ANKRD16: variants seen among roughly 807,000 people sequenced by gnomAD.
ANKRD16 encodes the protein ankyrin repeat domain 16, also known as ankyrin repeat domain-containing protein 16.
A neutral mutation model predicts 37.9 loss-of-function variants in ANKRD16; 35 were observed. That is an observed-to-expected ratio of 0.92 (90% confidence interval 0.71 to 1.23). ANKRD16 has a LOEUF of 1.23. Among genes scored for constraint, ANKRD16 ranks in the 50% most tolerant of loss-of-function variants. The probability of loss-of-function intolerance (pLI) is 0.00; values close to 1 mark genes in which losing one functional copy is unlikely to be tolerated. For synonymous variants in ANKRD16, 206 were observed against 197.2 expected (o/e 1.04, Z -0.37); for missense variants, 480 against 469.9 (o/e 1.02, Z -0.20).
Position 5,871,570 on chromosome 10 carries a change from G to T in ANKRD16, c.*33+6527C>A, listed in dbSNP as rs1434985277. 6.6e-6 allele frequency among the ~76,000 whole-genome samples: 1 copy of T among 152,124 alleles called. No homozygotes were observed. The highest frequency in any genetic ancestry group is 1.9e-4 in the East Asian group (1 of 5,198). ...AAATCCCCCACCCTCCTAGATACTG[G>T]CATTGAATGAGGCGCCCACGTGGGC... On this transcript the variant is annotated intron_variant, in intron 7 of 7. Transcript: ENST00000380094. This position sits in a 1 kb window ranked among gnomAD's most constrained non-coding sequence, Gnocchi z 4.5.
At chr10:5,880,520 C>G (rs927076508) in intron 5 of ANKRD16, 144 bp from the exon 6 acceptor site, 13 of 425,534 alleles carry the variant, frequency 3.1e-5, no homozygotes, top group Non-Finnish European at 4.6e-5. Flanking sequence ...AGGTCTGTGT[C>G]TCTCTCCAAA....
Position 5,883,158 on chromosome 10 carries a change from A to C in ANKRD16, c.697T>G (p.Ser233Ala). The change falls in exon 5 of 8, where the codon TCA becomes GCA. Residue 233 changes from serine (S) to alanine (A), a missense_variant. Transcript: ENST00000380094. ...TGGGCACCCAGGCTGTCTTCTGCTG[A>C]AAGGCAAGCCTAGTGGGCAGAGGAG... ...LLLDEHGACL[S>A]AEDSLGAQAL... The C allele has an allele frequency of 2.5e-6, 4 of 1,613,760 alleles. No homozygotes were observed. The highest frequency in any genetic ancestry group is 3.4e-6 in the Non-Finnish European group (4 of 1,179,986).
chr10:5,877,162 G>A (rs1316837691), intron 7 of ANKRD16, among the ~76,000 whole-genome samples: 1 of 152,022 alleles, frequency 6.6e-6, no homozygotes, highest in Non-Finnish European at 1.5e-5. Flanking sequence ...GCCCAGGCTG[G>A]AGTGCAGTGG....
Position 5,862,319 on chromosome 10 carries a change from G to A in ANKRD16, c.*406C>T. 2.5e-6 allele frequency: 1 copy of A among 407,118 alleles called. No homozygotes were observed. Among genetic ancestry groups the A allele is most frequent in the South Asian group, 1.8e-5 (1 of 55,592 alleles). 25.2% of individuals were successfully genotyped at this position (407,118 alleles called of 1,614,324 possible). A position where few individuals can be genotyped will look rare whatever the true frequency, so the allele number is the denominator to read the frequency against. ...TGCTACCACTGTGTTTCATGTTTTTGTGTTTCTTTCTTTCTGTCGGTGGTT... is the reference window on the plus strand; with the variant it reads ...TGCTACCACTGTGTTTCATGTTTTTATGTTTCTTTCTTTCTGTCGGTGGTT... On this transcript the variant is annotated 3_prime_UTR_variant, in exon 8 of 8. Coordinates refer to ENST00000380094, the MANE Select transcript of ANKRD16 (RefSeq NM_019046.3). This position sits in a 1 kb window ranked among gnomAD's most constrained non-coding sequence, Gnocchi z 6.5.
chr10:5,889,233 AG>A lies in ANKRD16; in HGVS notation c.121del (p.Leu41CysfsTer60). 6.4e-7 allele frequency: 1 copy of A among 1,563,988 alleles called. No individual in the cohort carries two copies. Among genetic ancestry groups the A allele is most frequent in the Non-Finnish European group, 8.6e-7 (1 of 1,164,294 alleles). On this transcript the variant is annotated frameshift_variant, in exon 1 of 8. Transcript: ENST00000380094. LOFTEE classifies it high-confidence loss of function. ...ATGCCCGTGGCGCGCGGCGCAGTGC[AG>A]GAGGGTATCCCCGGCCGGCCCCGGG... ...GCPGPAGDTL[L>X]HCAARHGHRD...
chr10:5,876,228 T>C (rs1024707904), intron 7 of ANKRD16, among the ~76,000 whole-genome samples: 6 of 152,168 alleles, frequency 3.9e-5, no homozygotes, highest in African/African-American at 9.7e-5. Context: ...GGGTGTTTAG[T>C]AGTTTCAGCA....
Position 5,883,078 on chromosome 10 carries a change from G to T in ANKRD16, c.777C>A (p.Val259=). 6.2e-7 allele frequency: 1 copy of T among 1,614,154 alleles called. No individual in the cohort carries two copies. Among genetic ancestry groups the T allele is most frequent in the South Asian group, 1.1e-5 (1 of 91,086 alleles). ...TGQDEAIRFL[V]SELGVDVDVR... is the part of the protein sequence containing the mutation. ...CATCTACATCGACGCCAAGTTCAGAGACCAAGAATCGGATGGCTTCGTCCT... is the reference window on the plus strand; with the variant it reads ...CATCTACATCGACGCCAAGTTCAGATACCAAGAATCGGATGGCTTCGTCCT... Residue 259 remains valine (V), a synonymous_variant, in exon 5 of 8, where the codon GTC becomes GTA. Coordinates refer to ENST00000380094, the MANE Select transcript of ANKRD16 (RefSeq NM_019046.3).
At chr10:5,881,438 T>TTATAAAAAAATATATATA (rs1422263395) in intron 5 of ANKRD16, among the ~76,000 whole-genome samples, 2 of 51,024 alleles carry the variant, frequency 3.9e-5, no homozygotes, top group Non-Finnish European at 3.8e-5. Context: ...AAAATATTAT[T>TTATAAAAAAATATATATA]TATATATATA....
At position 5,889,199 on chromosome 10, in the gene ANKRD16, C is replaced by G; in HGVS notation, c.156G>C (p.Val52=). 6.3e-7 allele frequency: 1 copy of G among 1,596,586 alleles called. No homozygotes were observed. Residue 52 remains valine (V), a synonymous_variant, in exon 1 of 8, where the codon GTG becomes GTC. Coordinates refer to ENST00000380094, the MANE Select transcript of ANKRD16 (RefSeq NM_019046.3). ...CCCAGGCCTCGGCCAGATAGGCCAG[C>G]ACGTCCCGATGCCCGTGGCGCGCGG... ...HCAARHGHRD[V]LAYLAEAWGM...
At chr10:5,872,799 GC>G (rs1450218793) in intron 7 of ANKRD16, among the ~76,000 whole-genome samples, 1 of 151,670 alleles carries the variant, frequency 6.6e-6, no homozygotes, top group Non-Finnish European at 1.5e-5. Flanking sequence ...CTCGTGATCT[GC>G]CCCCCTTGGC....
intron 5 of ANKRD16, among the ~76,000 whole-genome samples, chr10:5,881,452 A>ATATATATC: frequency 9.9e-6 from 1 of 100,692 alleles, no homozygotes; most frequent in Non-Finnish European, 1.8e-5. Context: ...ATATATATAT[A>ATATATATC]TATATATATA....
intron 5 of ANKRD16, among the ~76,000 whole-genome samples, chr10:5,880,630 G>A (rs1293902299): frequency 2.0e-5 from 3 of 151,704 alleles, no homozygotes; most frequent in Non-Finnish European, 4.4e-5. Context: ...CAGGATAAAA[G>A]GAGCAGGGGG....
chr10:5,862,786 G>C lies in ANKRD16; in HGVS notation c.*34-95C>G. ...GCACAAGGTCCCACAGCTGGACTCA[G>C]GGCTGCTGGCTACAGGGCCTGGCTC... On this transcript the variant is annotated intron_variant, in intron 7 of 7. Transcript: ENST00000380094. This position sits in a 1 kb window ranked among gnomAD's most constrained non-coding sequence, Gnocchi z 6.5. The C allele has an allele frequency of 1.2e-6, 1 of 844,182 alleles. No homozygotes were observed. Among genetic ancestry groups the C allele is most frequent in the Non-Finnish European group, 1.7e-6 (1 of 584,372 alleles). The allele number at this position is 844,182 out of a possible 1,614,324, so 52.3% of individuals were successfully genotyped here. A position where few individuals can be genotyped will look rare whatever the true frequency, so the allele number is the denominator to read the frequency against.
At position 5,883,818 on chromosome 10, in the gene ANKRD16, G is replaced by A. The variant is rs182148757; in HGVS notation, c.687+151C>T. The A allele has an allele frequency of 3.7e-3, 2,246 of 609,874 alleles. 6 individuals are homozygous for A. Among genetic ancestry groups the A allele is most frequent in the Admixed American group, 6.7e-3 (223 of 33,130 alleles). The allele number at this position is 609,874 out of a possible 1,614,324, so 37.8% of individuals were successfully genotyped here. A position where few individuals can be genotyped will look rare whatever the true frequency, so the allele number is the denominator to read the frequency against. ...TCTCCATTTTACAGATGGGAACACT[G>A]GTGCTTAAAGAGGTCACCAAGTTCC... On this transcript the variant is annotated intron_variant, in intron 4 of 7. Transcript: ENST00000380094.
At position 5,862,955 on chromosome 10, in the gene ANKRD16, C is replaced by G. The variant is rs2203197; in HGVS notation, c.*34-264G>C. 6.6e-6 allele frequency among the ~76,000 whole-genome samples: 1 copy of G among 151,946 alleles called. No individual in the cohort carries two copies. Among genetic ancestry groups the G allele is most frequent in the East Asian group, 1.9e-4 (1 of 5,190 alleles). ...CACTGTGCTAAATGACCCTTCTGCT[C>G]TGTTTGCCTGGAAAAGTCCCCATCT... On this transcript the variant is annotated intron_variant, in intron 7 of 7. Coordinates refer to ENST00000380094, the MANE Select transcript of ANKRD16 (RefSeq NM_019046.3). This position sits in a 1 kb window ranked among gnomAD's most constrained non-coding sequence, Gnocchi z 6.5.
chr10:5,877,592 C>T (rs1393423634), intron 7 of ANKRD16, among the ~76,000 whole-genome samples: 1 of 152,156 alleles, frequency 6.6e-6, no homozygotes, highest in African/African-American at 2.4e-5. Flanking sequence ...ATAAGTATGT[C>T]CTTCTTGGCT....
chr10:5,876,840 T>C (rs1324870904), intron 7 of ANKRD16, among the ~76,000 whole-genome samples: 1 of 151,922 alleles, frequency 6.6e-6, no homozygotes, highest in Non-Finnish European at 1.5e-5. Context: ...TAATAATTAT[T>C]CTTTGCAATT....
At chr10:5,888,144 A>G in intron 1 of ANKRD16, 77 bp from the exon 2 acceptor site, 1 of 1,329,276 alleles carries the variant, frequency 7.5e-7, no homozygotes, top group Non-Finnish European at 1.1e-6. Flanking sequence ...TTCAAAACAC[A>G]CACATCCTTG....
At chr10:5,886,891 AAACTGTAACCCAAATT>A (rs1842431948) in intron 2 of ANKRD16, among the ~76,000 whole-genome samples, 1 of 152,244 alleles carries the variant, frequency 6.6e-6, no homozygotes, top group Admixed American at 6.5e-5. Flanking sequence ...CAAATAATAA[AAACTGTAACCCAAATT>A]TACATTAGAT....
Sources: gnomAD v4.1 joint callset for allele counts (sites outside exome capture counted in the v4.1 genomes callset) on GRCh38, gnomAD v4.1.1 for gene constraint, Gnocchi (gnomAD v3.1) non-coding constraint, MANE v1.5 for transcripts, NCBI Gene and HGNC (gene_info 2026-07-23, HGNC 2026-07-21) for gene names.